AMER1: variants seen among roughly 807,000 people sequenced by gnomAD.
The protein encoded by AMER1 is APC membrane recruitment protein 1.
In AMER1, 16 loss-of-function variants were observed where a neutral mutation model predicts 53.0. The ratio of observed to expected loss-of-function variants is 0.30; its 90% CI spans 0.20 to 0.46. The LOEUF (loss-of-function observed/expected upper bound fraction) is 0.46. Among genes scored for constraint, AMER1 ranks in the 20% least tolerant of loss-of-function variants. The pLI is 1.00. For missense variants in AMER1, 947 were observed against 884.9 expected (o/e 1.07, Z -0.89); for synonymous variants, 354 against 331.9 (o/e 1.07, Z -0.73).
At position 64,187,330 on chromosome X, in the gene AMER1, G is replaced by T; in HGVS notation, c.*2549C>A. 1.3e-6 allele frequency: 1 copy of T among 791,701 alleles called. No individual in the cohort carries two copies. Among genetic ancestry groups the T allele is most frequent in the East Asian group, 7.8e-5 (1 of 12,795 alleles). The allele number at this position is 791,701 out of a possible 1,213,427, so 65.2% of individuals were successfully genotyped here. A position where few individuals can be genotyped will look rare whatever the true frequency, so the allele number is the denominator to read the frequency against. Reference sequence around the variant, plus strand: ...CAGGTGGTAAGGATCCTATTCCTGGGCTGGCTAGGGCAGTGAAGGGACTTG... The same window carrying T: ...CAGGTGGTAAGGATCCTATTCCTGGTCTGGCTAGGGCAGTGAAGGGACTTG... On this transcript the variant is annotated 3_prime_UTR_variant, in exon 2 of 2. Coordinates refer to ENST00000374869, the MANE Select transcript of AMER1 (RefSeq NM_152424.4).
At chrX:64,195,036 T>C (rs766435965) in intron 1 of AMER1, among the ~76,000 whole-genome samples, 12 of 112,133 alleles carry the variant, frequency 1.1e-4, no homozygotes, top group Admixed American at 2.8e-4. Flanking sequence ...AACCTCTCTC[T>C]GCAGAGATCT....
In AMER1 at chrX:64,186,819, G is replaced by A. The variant is rs537461974; in HGVS notation, c.*3060C>T. 4 of 773,587 alleles carry A rather than the reference G, an allele frequency of 5.2e-6. No homozygotes were observed. The African/African-American group carries it at 9.0e-5, about 17-fold the overall frequency. 63.8% of individuals were successfully genotyped at this position (773,587 alleles called of 1,213,427 possible). ...ACCAAGAAACTGGCATCCTGGCCCT[G>A]GGAGAGGCCTACTAGGTGGCCTTCT... On this transcript the variant is annotated 3_prime_UTR_variant, in exon 2 of 2. Coordinates refer to ENST00000374869, the MANE Select transcript of AMER1 (RefSeq NM_152424.4).
Position 64,186,784 on chromosome X carries a change from A to C in AMER1, c.*3095T>G. On this transcript the variant is annotated 3_prime_UTR_variant, in exon 2 of 2. Coordinates refer to ENST00000374869, the MANE Select transcript of AMER1 (RefSeq NM_152424.4). ...GCCCCAAGGCAGTGCTTCCTTGGAGACTCTAAAGCACCAAGAAACTGGCAT... is the reference window on the plus strand; with the variant it reads ...GCCCCAAGGCAGTGCTTCCTTGGAGCCTCTAAAGCACCAAGAAACTGGCAT... The C allele has an allele frequency of 1.3e-6, 1 of 773,469 alleles. No individual in the cohort carries two copies. Among genetic ancestry groups the C allele is most frequent in the Non-Finnish European group, 1.5e-6 (1 of 650,700 alleles). The allele number at this position is 773,469 out of a possible 1,213,427, so 63.7% of individuals were successfully genotyped here. A position where few individuals can be genotyped will look rare whatever the true frequency, so the allele number is the denominator to read the frequency against.
rs923909848 is a variant in AMER1 at position 64,185,269 on chromosome X, G to C, written c.*4610C>G. On this transcript the variant is annotated 3_prime_UTR_variant, in exon 2 of 2. Coordinates refer to ENST00000374869, the MANE Select transcript of AMER1 (RefSeq NM_152424.4). The stretch of plus-strand genomic sequence containing the variant: ...ACCCGGGTGATTCTGTGATGTCTCA[G>C]GGATGGAGAAGAGGAAGCTCAGGTA... 1.2e-5 allele frequency: 2 copies of C among 160,377 alleles called. No individual in the cohort carries two copies. The highest frequency in any genetic ancestry group is 3.0e-5 in the African/African-American group (1 of 33,022). 13.2% of individuals were successfully genotyped at this position (160,377 alleles called of 1,213,427 possible). A position where few individuals can be genotyped will look rare whatever the true frequency, so the allele number is the denominator to read the frequency against.
In AMER1 at chrX:64,188,931, A is replaced by G. The variant is rs1930163083; in HGVS notation, c.*948T>C. Reference sequence around the variant, plus strand: ...TAGAGGAAAAAAGAACAAAAATTCAAAAGCATCTGCAACTCAGGTAGTCAC... The same window carrying G: ...TAGAGGAAAAAAGAACAAAAATTCAGAAGCATCTGCAACTCAGGTAGTCAC... On this transcript the variant is annotated 3_prime_UTR_variant, in exon 2 of 2. Coordinates refer to ENST00000374869, the MANE Select transcript of AMER1 (RefSeq NM_152424.4). 1.2e-6 allele frequency: 1 copy of G among 808,263 alleles called. No individual in the cohort carries two copies. 66.6% of individuals were successfully genotyped at this position (808,263 alleles called of 1,213,427 possible). A position where few individuals can be genotyped will look rare whatever the true frequency, so the allele number is the denominator to read the frequency against.
chrX:64,199,143 C>T (rs2147093897), intron 1 of AMER1, among the ~76,000 whole-genome samples: 1 of 112,402 alleles, frequency 8.9e-6, no homozygotes. Flanking sequence ...ATCTCACCAA[C>T]TCCAGATGCA....
chrX:64,188,379 T>C lies in AMER1; in HGVS notation c.*1500A>G. The C allele has an allele frequency of 1.2e-6, 1 of 804,448 alleles. No homozygotes were observed. Among genetic ancestry groups the C allele is most frequent in the Non-Finnish European group, 1.5e-6 (1 of 669,842 alleles). The allele number at this position is 804,448 out of a possible 1,213,427, so 66.3% of individuals were successfully genotyped here. A position where few individuals can be genotyped will look rare whatever the true frequency, so the allele number is the denominator to read the frequency against. On this transcript the variant is annotated 3_prime_UTR_variant, in exon 2 of 2. Coordinates refer to ENST00000374869, the MANE Select transcript of AMER1 (RefSeq NM_152424.4). ...TTGGCAAGATTAGCCTGTTCCAATG[T>C]CTTCCTGACAGCAAGCTCTTCCCCA...
chrX:64,189,464 TTGTGTGTGTGTGTGTATGTATGTGTGTG>T lies in AMER1; in HGVS notation c.*387_*414del, dbSNP rs1930179173. On this transcript the variant is annotated 3_prime_UTR_variant, in exon 2 of 2. Transcript: ENST00000374869. ...GCTATATATGTGTGTGCATGTGTGT[TTGTGTGTGTGTGTGTATGTATGTGTGTG>T]TGTGTGTGTGTGTGTGTGTGTGTAT... is the stretch of plus-strand genomic sequence containing the variant. 1.4e-6 allele frequency: 1 copy of T among 697,862 alleles called. No individual in the cohort carries two copies. Among genetic ancestry groups the T allele is most frequent in the Non-Finnish European group, 1.6e-6 (1 of 606,540 alleles). The allele number at this position is 697,862 out of a possible 1,213,427, so 57.5% of individuals were successfully genotyped here.
intron 1 of AMER1, among the ~76,000 whole-genome samples, chrX:64,203,843 G>A (rs748592813): frequency 7.2e-5 from 8 of 111,862 alleles, no homozygotes; most frequent in African/African-American, 2.6e-4. Flanking sequence ...CCAGCTGCAA[G>A]TAGAGGTTTG....
rs1930219630 is a variant in AMER1 at position 64,190,447 on chromosome X, G to A, written c.2840C>T (p.Ser947Phe). The stretch of plus-strand genomic sequence containing the variant: ...GGCCCCTGGGGGTTCAGTATAGAGG[G>A]AAAGGGGACTGTCTCGGCTCCATTC... Reference protein sequence around the residue: ...EGEWSRDSPLSLYTEPPGAYD... With the variant: ...EGEWSRDSPLFLYTEPPGAYD... The change falls in exon 2 of 2, where the codon TCC becomes TTC. Residue 947 changes from serine to phenylalanine, a missense_variant. Physicochemically the swap from Ser to Phe is radical, Grantham distance 155. Coordinates refer to ENST00000374869, the MANE Select transcript of AMER1 (RefSeq NM_152424.4). 1 of 1,211,922 alleles carries A rather than the reference G, an allele frequency of 8.3e-7. No individual in the cohort carries two copies. Among genetic ancestry groups the A allele is most frequent in the Non-Finnish European group, 1.1e-6 (1 of 895,519 alleles).
In AMER1 at chrX:64,185,737, C is replaced by T; in HGVS notation, c.*4142G>A. ...GCAGCAAGAGGGGTGAAGGAGTTCC[C>T]CAAAGCCTCTCTTCTGGGAAAATGT... On this transcript the variant is annotated 3_prime_UTR_variant, in exon 2 of 2. Transcript: ENST00000374869. 5.3e-6 allele frequency: 1 copy of T among 187,591 alleles called. No individual in the cohort carries two copies. Among genetic ancestry groups the T allele is most frequent in the Non-Finnish European group, 1.0e-5 (1 of 99,555 alleles). 15.5% of individuals were successfully genotyped at this position (187,591 alleles called of 1,213,427 possible).
chrX:64,188,899 T>C lies in AMER1; in HGVS notation c.*980A>G. 1.2e-6 allele frequency: 1 copy of C among 807,365 alleles called. No individual in the cohort carries two copies. Among genetic ancestry groups the C allele is most frequent in the Non-Finnish European group, 1.5e-6 (1 of 672,148 alleles). The allele number at this position is 807,365 out of a possible 1,213,427, so 66.5% of individuals were successfully genotyped here. ...GTTCCTTGTGATGAGATTATGAAAA[T>C]TTCCTTTAGAGGAAAAAAGAACAAA... On this transcript the variant is annotated 3_prime_UTR_variant, in exon 2 of 2. Coordinates refer to ENST00000374869, the MANE Select transcript of AMER1 (RefSeq NM_152424.4).
rs768509696 is a variant in AMER1 at position 64,192,077 on chromosome X, C to T, written c.1210G>A (p.Asp404Asn). The T allele has an allele frequency of 8.3e-7, 1 of 1,211,754 alleles. No individual in the cohort carries two copies. The highest frequency in any genetic ancestry group is 1.8e-5 in the South Asian group (1 of 56,964). The change falls in exon 2 of 2, where the codon GAT (aspartate) becomes AAT (asparagine). Residue 404 changes from aspartate (D) to asparagine (N), a missense_variant. Physicochemically the swap from Asp to Asn is conservative, Grantham distance 23. Transcript: ENST00000374869. ...EEEVKEEEED[D>N]DLEYLWETAQ... is the part of the protein sequence containing the mutation. ...GTTTCCCACAGATATTCTAAGTCAT[C>T]ATCTTCTTCCTCCTCCTTAACCTCC...
At position 64,189,800 on chromosome X, in the gene AMER1, C is replaced by CA; in HGVS notation, c.*78_*79insT. 1.3e-5 allele frequency: 3 copies of CA among 230,984 alleles called. No individual in the cohort carries two copies. The highest frequency in any genetic ancestry group is 1.3e-5 in the Non-Finnish European group (2 of 156,055). 19.0% of individuals were successfully genotyped at this position (230,984 alleles called of 1,213,427 possible). A position where few individuals can be genotyped will look rare whatever the true frequency, so the allele number is the denominator to read the frequency against. ...TTTTCAAGTTAAACAACAACCCCCA[C>CA]CCCCCCACCCTTCTGCCCAACCCCT... On this transcript the variant is annotated 3_prime_UTR_variant, in exon 2 of 2. Coordinates refer to ENST00000374869, the MANE Select transcript of AMER1 (RefSeq NM_152424.4).
At chrX:64,203,653 G>T (rs1930537299) in intron 1 of AMER1, among the ~76,000 whole-genome samples, 2 of 111,729 alleles carry the variant, frequency 1.8e-5, no homozygotes, top group Non-Finnish European at 1.9e-5. Context: ...CAAGAGCCAG[G>T]CAGAAAGGCA....
chrX:64,187,907 C>CA lies in AMER1; in HGVS notation c.*1971dup. Reference sequence around the variant, plus strand: ...CATTTCTTCACAATGTATCTGTAGCCAAAGTCAGCCTGAAGAGCTGGTCTG... The same window carrying CA: ...CATTTCTTCACAATGTATCTGTAGCCAAAAGTCAGCCTGAAGAGCTGGTCTG... On this transcript the variant is annotated 3_prime_UTR_variant, in exon 2 of 2. Coordinates refer to ENST00000374869, the MANE Select transcript of AMER1 (RefSeq NM_152424.4). 1.3e-6 allele frequency: 1 copy of CA among 778,640 alleles called. No individual in the cohort carries two copies. The highest frequency in any genetic ancestry group is 1.5e-6 in the Non-Finnish European group (1 of 653,681). 64.2% of individuals were successfully genotyped at this position (778,640 alleles called of 1,213,427 possible).
At position 64,186,030 on chromosome X, in the gene AMER1, A is replaced by G. The variant is rs1930098535; in HGVS notation, c.*3849T>C. The G allele has an allele frequency of 1.2e-6, 1 of 859,621 alleles. No individual in the cohort carries two copies. The highest frequency in any genetic ancestry group is 1.7e-6 in the Non-Finnish European group (1 of 601,210). 70.8% of individuals were successfully genotyped at this position (859,621 alleles called of 1,213,427 possible). ...ATAACGAGGAAAAAAAATAAGACACATGAGTACTCTCAGAGGGTCTAGACA... is the reference window on the plus strand; with the variant it reads ...ATAACGAGGAAAAAAAATAAGACACGTGAGTACTCTCAGAGGGTCTAGACA... On this transcript the variant is annotated 3_prime_UTR_variant, in exon 2 of 2. Coordinates refer to ENST00000374869, the MANE Select transcript of AMER1 (RefSeq NM_152424.4).
chrX:64,196,630 C>A (rs1391510168), intron 1 of AMER1, among the ~76,000 whole-genome samples: 2 of 111,613 alleles, frequency 1.8e-5, no homozygotes, highest in African/African-American at 3.3e-5. Context: ...TCTATACAAA[C>A]TCCTCTGCTA....
Position 64,188,627 on chromosome X carries a change from G to C in AMER1, c.*1252C>G. The C allele has an allele frequency of 1.2e-6, 1 of 801,511 alleles. No individual in the cohort carries two copies. Among genetic ancestry groups the C allele is most frequent in the Non-Finnish European group, 1.5e-6 (1 of 668,272 alleles). 66.1% of individuals were successfully genotyped at this position (801,511 alleles called of 1,213,427 possible). On this transcript the variant is annotated 3_prime_UTR_variant, in exon 2 of 2. Coordinates refer to ENST00000374869, the MANE Select transcript of AMER1 (RefSeq NM_152424.4). ...AGTGCAAACCTGGGGCCTTATTACAGAGTCCAAATGATGGGATGGGCAAGG... is the reference window on the plus strand; with the variant it reads ...AGTGCAAACCTGGGGCCTTATTACACAGTCCAAATGATGGGATGGGCAAGG...
Sources: allele counts gnomAD v4.1 joint callset (sites outside exome capture counted in the v4.1 genomes callset), GRCh38; gene constraint gnomAD v4.1.1; transcripts MANE v1.5; gene names NCBI Gene and HGNC (gene_info 2026-07-23, HGNC 2026-07-21).